Variants in HLCS observed in about 807,000 individuals in gnomAD.
HLCS encodes the protein biotin--protein ligase.
A neutral mutation model predicts 75.0 loss-of-function variants in HLCS; 53 were observed. That is an observed-to-expected ratio of 0.71 (90% CI 0.57 to 0.89). HLCS has a LOEUF of 0.89. HLCS is among the 40% of genes least tolerant of loss of function. The probability of loss-of-function intolerance (pLI) is 0.00; values close to 1 mark genes in which losing one functional copy is unlikely to be tolerated. For synonymous variants in HLCS, 431 were observed against 428.6 expected (o/e 1.01, Z -0.07); for missense variants, 966 against 1,074.0 (o/e 0.90, Z 1.41).
chr21:36,878,111 G>A (rs1601600611), intron 6 of HLCS, among the ~76,000 whole-genome samples: 1 of 151,640 alleles, frequency 6.6e-6, no homozygotes, highest in African/African-American at 2.4e-5. Flanking sequence ...TCTTGAGCCT[G>A]GAAATTTATG....
intron 6 of HLCS, among the ~76,000 whole-genome samples, chr21:36,831,446 G>A (rs2062206995): frequency 6.6e-6 from 1 of 152,164 alleles, no homozygotes; most frequent in African/African-American, 2.4e-5. Context: ...TTGGGAGGGC[G>A]AGGTGGGCAG....
chr21:36,851,934 G>A (rs2063020696), intron 6 of HLCS: 1 of 152,270 alleles, frequency 6.6e-6, no homozygotes, highest in Non-Finnish European at 1.5e-5. Flanking sequence ...AGAGCCCGCA[G>A]GCACCCTGCT....
chr21:36,765,293 C>T, intron 7 of HLCS, 121 bp from the exon 8 acceptor site: 1 of 933,116 alleles, frequency 1.1e-6, no homozygotes, highest in South Asian at 1.4e-5. Flanking sequence ...TATTGTATTA[C>T]AACGCTTATT....
At chr21:36,966,292 G>C (rs1473736208) in intron 1 of HLCS, among the ~76,000 whole-genome samples, 152 bp downstream of exon 1, 2 of 152,124 alleles carry the variant, frequency 1.3e-5, no homozygotes, top group Non-Finnish European at 2.9e-5. Flanking sequence ...TCTGGGCCCC[G>C]GGGCAACAGC....
intron 6 of HLCS, among the ~76,000 whole-genome samples, chr21:36,883,476 G>A (rs935190557): frequency 5.3e-5 from 8 of 152,174 alleles, no homozygotes; most frequent in Non-Finnish European, 1.0e-4. Flanking sequence ...CAGGTGACTG[G>A]TCAGACCTCA....
intron 2 of HLCS, among the ~76,000 whole-genome samples, chr21:36,944,544 C>T (rs1325068876): frequency 6.6e-6 from 1 of 152,122 alleles, no homozygotes; most frequent in Non-Finnish European, 1.5e-5. Flanking sequence ...TAATATACAA[C>T]AAAACTAGTA....
chr21:36,800,435 C>T (rs972466926), intron 6 of HLCS, among the ~76,000 whole-genome samples: 3 of 152,150 alleles, frequency 2.0e-5, no homozygotes, highest in African/African-American at 4.8e-5. Context: ...CAGATGCAGT[C>T]ACAGGAATGA....
chr21:36,959,986 T>C (rs1476157289), intron 2 of HLCS, among the ~76,000 whole-genome samples: 2 of 152,204 alleles, frequency 1.3e-5, no homozygotes, highest in African/African-American at 4.8e-5. Context: ...GCCAAGGCTG[T>C]AAACACCCTC....
chr21:36,785,516 G>A (rs1298309331), intron 6 of HLCS, among the ~76,000 whole-genome samples: 1 of 152,218 alleles, frequency 6.6e-6, no homozygotes, highest in Non-Finnish European at 1.5e-5. Context: ...GGTGGGTTCT[G>A]TGCTGGCAAG....
At chr21:36,843,781 G>A (rs763224389) in intron 6 of HLCS, among the ~76,000 whole-genome samples, 20 of 151,998 alleles carry the variant, frequency 1.3e-4, no homozygotes, top group Non-Finnish European at 1.8e-4. Context: ...GAGGTAGGAG[G>A]CCTGCTTCAA....
At chr21:36,916,784 C>A (rs1478784093) in intron 5 of HLCS, among the ~76,000 whole-genome samples, 1 of 152,090 alleles carries the variant, frequency 6.6e-6, no homozygotes, top group African/African-American at 2.4e-5. Context: ...TGATACACAG[C>A]CATACGGAAC....
chr21:36,869,113 T>A lies in HLCS; in HGVS notation c.1892+27747A>T, dbSNP rs796142088. Among the ~76,000 whole-genome samples the A allele has an allele frequency of 2.3e-4, 18 of 78,358 alleles. No individual in the cohort carries two copies. In the East Asian group the frequency reaches 3.8e-3, roughly 16 times the overall value. The allele number at this position is 78,358 out of a possible 152,430, so 51.4% of individuals were successfully genotyped here. On this transcript the variant is annotated intron_variant, in intron 6 of 10. Transcript: ENST00000674895. Reference sequence around the variant, plus strand: ...AAGATGTTTAATTTATTTATTTATTTATTTATTTATTTATTTATTTATTTA... The same window carrying A: ...AAGATGTTTAATTTATTTATTTATTAATTTATTTATTTATTTATTTATTTA...
At chr21:36,764,948 A>G (rs2089979572) in intron 8 of HLCS, 64 bp downstream of exon 8, 1 of 1,558,630 alleles carries the variant, frequency 6.4e-7, no homozygotes, top group Non-Finnish European at 8.8e-7. Flanking sequence ...ACATGCTATA[A>G]ACAAGAATAA....
rs115403663 is a variant in HLCS at position 36,811,426 on chromosome 21, G to A, written c.1893-44141C>T. 2.3e-3 allele frequency among the ~76,000 whole-genome samples: 347 copies of A among 152,294 alleles called. 3 individuals carry two copies. Among genetic ancestry groups the A allele is most frequent in the African/African-American group, 8.0e-3 (333 of 41,548 alleles). The stretch of plus-strand genomic sequence containing the variant: ...CCTACTGCAGGACAGGTGAGGCCAG[G>A]GAGGCGGACACCTCTGCCTCCAGGA... On this transcript the variant is annotated intron_variant, in intron 6 of 10. Coordinates refer to ENST00000674895, the MANE Select transcript of HLCS (RefSeq NM_001352514.2).
upstream of HLCS, chr21:36,969,564 A>G (rs1443372018): frequency 1.4e-5 from 2 of 148,026 alleles, no homozygotes; most frequent in Non-Finnish European, 3.0e-5. Flanking sequence ...TGTGGAAAAT[A>G]AGACCACAGA....
chr21:36,768,514 C>T (rs182001159), intron 6 of HLCS, among the ~76,000 whole-genome samples: 5 of 152,320 alleles, frequency 3.3e-5, no homozygotes, highest in Admixed American at 2.0e-4. Flanking sequence ...CACAGAGCTC[C>T]GTCTGACGGC....
chr21:36,829,832 G>A (rs1056344943), intron 6 of HLCS, among the ~76,000 whole-genome samples: 2 of 152,172 alleles, frequency 1.3e-5, no homozygotes, highest in Admixed American at 6.5e-5. Context: ...GGAAGGAGGG[G>A]CAGGCACGCA....
chr21:36,892,505 C>T (rs1028529133), intron 6 of HLCS, among the ~76,000 whole-genome samples: 9 of 152,158 alleles, frequency 5.9e-5, no homozygotes, highest in South Asian at 2.1e-4. Context: ...CAGGTACATC[C>T]GGCCCTAAAA....
At chr21:36,948,537 CT>C (rs2067516688) in intron 2 of HLCS, among the ~76,000 whole-genome samples, 1 of 151,384 alleles carries the variant, frequency 6.6e-6, no homozygotes, top group Non-Finnish European at 1.5e-5. Context: ...CAAGACCAGC[CT>C]GGGCAACAAG....
Sources: gnomAD v4.1 joint callset for allele counts (sites outside exome capture counted in the v4.1 genomes callset) on GRCh38, gnomAD v4.1.1 for gene constraint, MANE v1.5 for transcripts, NCBI Gene and HGNC (gene_info 2026-07-23, HGNC 2026-07-21) for gene names.